The following KIF1B variants were observed in gnomAD, a reference collection of about 807,000 sequenced individuals.
The protein encoded by KIF1B is kinesin family member 1B.
A neutral mutation model predicts 241.9 loss-of-function variants in KIF1B; 76 were observed. The ratio of observed to expected loss-of-function variants is 0.31; its 90% CI spans 0.26 to 0.38. The LOEUF (loss-of-function observed/expected upper bound fraction) is 0.38. Among genes scored for constraint, KIF1B ranks in the 10% least tolerant of loss-of-function variants. The pLI is 1.00. For missense variants in KIF1B, 1,622 were observed against 2,271.4 expected, an observed-to-expected ratio of 0.71 and a Z score of 5.81; for synonymous variants, 750 against 796.7, an observed-to-expected ratio of 0.94 and a Z score of 0.99.
intron 2 of KIF1B, among the ~76,000 whole-genome samples, chr1:10,234,654 C>T (rs182821851): frequency 1.5e-4 from 23 of 149,406 alleles, no homozygotes; most frequent in East Asian, 1.4e-3. Flanking sequence ...CCCAAGTAGC[C>T]GGGGCTACAG....
chr1:10,299,792 CTCT>C (rs957585667), intron 22 of KIF1B, among the ~76,000 whole-genome samples: 58 of 152,238 alleles, frequency 3.8e-4, no homozygotes, highest in African/African-American at 1.3e-3. Context: ...GGGATCTTCT[CTCT>C]TCTTATTTGC....
chr1:10,350,019 G>T (rs1369106586), intron 37 of KIF1B, among the ~76,000 whole-genome samples: 1 of 152,138 alleles, frequency 6.6e-6, no homozygotes, highest in Non-Finnish European at 1.5e-5. Flanking sequence ...GTCCAGGCAC[G>T]GTGGCTCACG....
At chr1:10,298,711 A>G (rs780973065) in intron 22 of KIF1B, among the ~76,000 whole-genome samples, 11 of 152,336 alleles carry the variant, frequency 7.2e-5, no homozygotes, top group East Asian at 1.9e-4. Context: ...ATTAAGCTCT[A>G]TTATTAACAA....
chr1:10,240,144 C>T lies in KIF1B; in HGVS notation c.106+7710C>T, dbSNP rs187737359. 4.6e-5 allele frequency among the ~76,000 whole-genome samples: 7 copies of T among 151,680 alleles called. No individual in the cohort carries two copies. The East Asian group carries it at 9.7e-4, about 21-fold the overall frequency. On this transcript the variant is annotated intron_variant, in intron 2 of 48. Coordinates refer to ENST00000676179, the MANE Select transcript of KIF1B (RefSeq NM_001365951.3). Reference sequence around the variant, plus strand: ...GTCTTGAACTCCTGACCTCGTGATCCGCCCGCCTCAGCCTCCCAAAGTGCT... The same window carrying T: ...GTCTTGAACTCCTGACCTCGTGATCTGCCCGCCTCAGCCTCCCAAAGTGCT...
intron 38 of KIF1B, among the ~76,000 whole-genome samples, chr1:10,354,316 T>C (rs1200003388): frequency 6.6e-6 from 1 of 152,228 alleles, no homozygotes; most frequent in Non-Finnish European, 1.5e-5. Context: ...AATTATAAGA[T>C]CATTTACTGG....
At chr1:10,271,639 A>G (rs945115667) in intron 8 of KIF1B, 60 bp downstream of exon 8, 5 of 1,128,822 alleles carry the variant, frequency 4.4e-6, no homozygotes, top group Non-Finnish European at 6.8e-6. Flanking sequence ...GTTTTTGTAA[A>G]TAAAATTTTA....
At chr1:10,305,728 A>G (rs1194454911) in intron 22 of KIF1B, 34 of 1,057,392 alleles carry the variant, frequency 3.2e-5, no homozygotes, top group Admixed American at 5.4e-5. Flanking sequence ...TATTGTATCA[A>G]TACCTCATTT....
intron 22 of KIF1B, 112 bp from the exon 23 acceptor site, chr1:10,319,931 C>G: frequency 1.4e-6 from 1 of 733,222 alleles, no homozygotes; most frequent in South Asian, 1.5e-5. Context: ...GCCTTTGTCT[C>G]TTTTCCTTGT....
intron 19 of KIF1B, 43 bp from the exon 20 acceptor site, chr1:10,296,539 A>G (rs746116788): frequency 1.2e-4 from 175 of 1,483,196 alleles, no homozygotes; most frequent in Non-Finnish European, 1.5e-4. Flanking sequence ...TTTGATTCCA[A>G]TAGTTTGTAA....
rs1638974047 is a variant in KIF1B, at chr1:10,379,647, A to C, written c.*3060A>C. 1 of 231,380 alleles carries C rather than the reference A, an allele frequency of 4.3e-6. No homozygotes were observed. Among genetic ancestry groups the C allele is most frequent in the African/African-American group, 2.2e-5 (1 of 45,244 alleles). 14.3% of individuals were successfully genotyped at this position (231,380 alleles called of 1,614,324 possible). Reference sequence around the variant, plus strand: ...GCCTTTAAATAAGCAAAAACTTTAAAAGGCAGGAAAGAGAATTCTTAGGCA... The same window carrying C: ...GCCTTTAAATAAGCAAAAACTTTAACAGGCAGGAAAGAGAATTCTTAGGCA... On this transcript the variant is annotated 3_prime_UTR_variant, in exon 49 of 49. Coordinates refer to ENST00000676179, the MANE Select transcript of KIF1B (RefSeq NM_001365951.3).
intron 38 of KIF1B, among the ~76,000 whole-genome samples, chr1:10,359,673 T>C (rs2102343028): frequency 6.6e-6 from 1 of 152,286 alleles, no homozygotes; most frequent in South Asian, 2.1e-4. Flanking sequence ...TGTCTGGCTC[T>C]AGTGTTAACA....
At chr1:10,255,592 A>G (rs369040194) in intron 2 of KIF1B, among the ~76,000 whole-genome samples, 25 of 152,266 alleles carry the variant, frequency 1.6e-4, no homozygotes, top group Middle Eastern at 3.4e-3. Flanking sequence ...TCTGTCTTCA[A>G]AAAGAAAAGA....
chr1:10,350,437 G>A (rs1652751563), intron 37 of KIF1B, among the ~76,000 whole-genome samples: 1 of 151,012 alleles, frequency 6.6e-6, no homozygotes, highest in Non-Finnish European at 1.5e-5. Flanking sequence ...GTGGGCGCCT[G>A]TAGTCCCAAC....
intron 5 of KIF1B, among the ~76,000 whole-genome samples, chr1:10,266,263 C>G (rs1648457999): frequency 6.6e-6 from 1 of 152,268 alleles, no homozygotes; most frequent in African/African-American, 2.4e-5. Context: ...AAGCCATTCG[C>G]AAGACTATTT....
chr1:10,239,392 C>G (rs1194358524), intron 2 of KIF1B, among the ~76,000 whole-genome samples: 1 of 151,734 alleles, frequency 6.6e-6, no homozygotes, highest in African/African-American at 2.4e-5. Flanking sequence ...TCTGATTTTT[C>G]TATTCTATTG....
chr1:10,344,590 A>G (rs977602033), intron 34 of KIF1B, among the ~76,000 whole-genome samples: 1 of 152,096 alleles, frequency 6.6e-6, no homozygotes, highest in Admixed American at 6.6e-5. Flanking sequence ...GGTTTGTTAG[A>G]ATACTTCTGG....
chr1:10,259,711 C>T (rs114920789), intron 4 of KIF1B, among the ~76,000 whole-genome samples: 1 of 151,766 alleles, frequency 6.6e-6, no homozygotes, highest in East Asian at 1.9e-4. Context: ...CCATGTTGGT[C>T]CTGGTCTGGA....
At chr1:10,351,146 C>G (rs1652778991) in intron 37 of KIF1B, among the ~76,000 whole-genome samples, 1 of 148,762 alleles carries the variant, frequency 6.7e-6, no homozygotes, top group Non-Finnish European at 1.5e-5. Flanking sequence ...GTGGTAGTAG[C>G]TTTTCAATAT....
intron 27 of KIF1B, among the ~76,000 whole-genome samples, chr1:10,333,471 C>G (rs1652036458): frequency 6.6e-6 from 1 of 152,108 alleles, no homozygotes; most frequent in Non-Finnish European, 1.5e-5. Context: ...GCGGGCGGAT[C>G]ACGAGGTCAG....
Sources: gnomAD v4.1 joint callset for allele counts (sites outside exome capture counted in the v4.1 genomes callset) on GRCh38, gnomAD v4.1.1 for gene constraint, MANE v1.5 for transcripts, NCBI Gene and HGNC (gene_info 2026-07-23, HGNC 2026-07-21) for gene names.